CDH6: variants seen among roughly 807,000 people sequenced by gnomAD.
CDH6 encodes the protein cadherin 6.
A neutral mutation model predicts 78.0 loss-of-function variants in CDH6; 31 were observed. The ratio of observed to expected loss-of-function variants is 0.40; its 90% CI spans 0.30 to 0.54. The LOEUF (loss-of-function observed/expected upper bound fraction) is 0.54, where lower values mean the gene tolerates loss of function less well. Ranked by LOEUF, CDH6 falls within the 20% of genes least tolerant of loss-of-function variation. CDH6 has a pLI of 0.56. For missense variants in CDH6, 724 were observed against 975.9 expected, an observed-to-expected ratio of 0.74 and a Z score of 3.44; for synonymous variants, 376 against 368.8, an observed-to-expected ratio of 1.02 and a Z score of -0.23.
intron 2 of CDH6, among the ~76,000 whole-genome samples, chr5:31,289,415 G>C (rs1414161916): frequency 2.6e-5 from 4 of 152,122 alleles, no homozygotes; most frequent in African/African-American, 9.7e-5. Flanking sequence ...TGTTGTGAAT[G>C]GTGTTATGAT....
At chr5:31,229,533 GC>G (rs780851414) in intron 1 of CDH6, among the ~76,000 whole-genome samples, 9 of 152,196 alleles carry the variant, frequency 5.9e-5, no homozygotes, top group Non-Finnish European at 1.3e-4. Flanking sequence ...CAATTTGGAA[GC>G]TTTTATAGGT....
At chr5:31,210,242 C>T (rs941940116) in intron 1 of CDH6, among the ~76,000 whole-genome samples, 3 of 152,058 alleles carry the variant, frequency 2.0e-5, no homozygotes, top group Non-Finnish European at 4.4e-5. Flanking sequence ...GCTGGGGGTG[C>T]GGCGACTCAC....
chr5:31,195,896 G>A (rs1434242020), intron 1 of CDH6, among the ~76,000 whole-genome samples: 1 of 152,164 alleles, frequency 6.6e-6, no homozygotes, highest in Non-Finnish European at 1.5e-5. Context: ...AAACTAAGAG[G>A]CAGCAGCCCA....
At chr5:31,209,795 C>T (rs1263015339) in intron 1 of CDH6, among the ~76,000 whole-genome samples, 2 of 152,180 alleles carry the variant, frequency 1.3e-5, no homozygotes, top group Admixed American at 1.3e-4. Flanking sequence ...TTCTATCTCC[C>T]TCCTGCTATC....
rs561306531 is a variant in CDH6, at chr5:31,211,559, C to T, written c.-129+17673C>T. Among the ~76,000 whole-genome samples the T allele has an allele frequency of 3.3e-5, 5 of 152,006 alleles. 1 individual carries two copies. The highest frequency in any genetic ancestry group is 1.2e-4 in the African/African-American group (5 of 41,470). The stretch of plus-strand genomic sequence containing the variant: ...TGCAGATGTTTATCTAAATCCAAGT[C>T]AAAACAGTGTGAGAAATAATTATAA... On this transcript the variant is annotated intron_variant, in intron 1 of 11. Coordinates refer to ENST00000265071, the MANE Select transcript of CDH6 (RefSeq NM_004932.4).
intron 2 of CDH6, among the ~76,000 whole-genome samples, chr5:31,286,887 A>G: frequency 6.6e-6 from 1 of 152,174 alleles, no homozygotes; most frequent in Non-Finnish European, 1.5e-5. Flanking sequence ...GATATACATA[A>G]GAGGTAGAAT....
chr5:31,227,917 A>T (rs1476245314), intron 1 of CDH6, among the ~76,000 whole-genome samples: 1 of 152,178 alleles, frequency 6.6e-6, no homozygotes, highest in East Asian at 1.9e-4. Context: ...ACACATTACC[A>T]CAAAACAATA....
Position 31,273,172 on chromosome 5 carries a change from T to C in CDH6, c.228+5471T>C, listed in dbSNP as rs1028836747. ...AATTAGTAAACATGAAGCAATATTTTATCCGTTCTGAAAGGTTACTTAAAA... is the reference window on the plus strand; with the variant it reads ...AATTAGTAAACATGAAGCAATATTTCATCCGTTCTGAAAGGTTACTTAAAA... On this transcript the variant is annotated intron_variant, in intron 2 of 11. Transcript: ENST00000265071. Among the ~76,000 whole-genome samples, 6 of 152,374 alleles carry C rather than the reference T, an allele frequency of 3.9e-5. No individual in the cohort carries two copies. In the East Asian group the frequency reaches 9.6e-4, roughly 24 times the overall value.
chr5:31,210,586 G>A (rs893514289), intron 1 of CDH6, among the ~76,000 whole-genome samples: 90 of 152,280 alleles, frequency 5.9e-4, no homozygotes, highest in African/African-American at 1.6e-3. Context: ...AGTATCTGTA[G>A]AGAATTGGTT....
In CDH6 at chr5:31,316,271, C is replaced by A; in HGVS notation, c.1454C>A (p.Ala485Asp). 1 of 1,613,204 alleles carries A rather than the reference C, an allele frequency of 6.2e-7. No homozygotes were observed. Among genetic ancestry groups the A allele is most frequent in the Non-Finnish European group, 8.5e-7 (1 of 1,179,394 alleles). ...YIKVLDVNDN[A>D]PEFAEFYETF... ...AAAGTTCTAGATGTCAATGACAACG[C>A]CCCAGAATTTGCTGAGTTCTATGAA... Residue 485 changes from alanine to aspartate, a missense_variant, in exon 9 of 12, where the codon GCC becomes GAC. Physicochemically the swap from Ala to Asp is moderately radical, Grantham distance 126. Coordinates refer to ENST00000265071, the MANE Select transcript of CDH6 (RefSeq NM_004932.4).
chr5:31,229,297 T>C (rs1453680551), intron 1 of CDH6, among the ~76,000 whole-genome samples: 5 of 152,226 alleles, frequency 3.3e-5, no homozygotes. Context: ...ACAGACCTCT[T>C]GTTATCCAGT....
intron 1 of CDH6, among the ~76,000 whole-genome samples, chr5:31,206,347 A>T (rs1740522184): frequency 6.6e-6 from 1 of 152,182 alleles, no homozygotes; most frequent in South Asian, 2.1e-4. Context: ...TTAGAAAGGA[A>T]ATCCATTTTC....
At chr5:31,214,203 C>T (rs1034070417) in intron 1 of CDH6, among the ~76,000 whole-genome samples, 2 of 151,226 alleles carry the variant, frequency 1.3e-5, no homozygotes, top group Non-Finnish European at 2.9e-5. Flanking sequence ...GGCAAAGCTT[C>T]TGACTTCAGA....
intron 2 of CDH6, among the ~76,000 whole-genome samples, chr5:31,269,230 T>C (rs943393156): frequency 1.3e-5 from 2 of 148,442 alleles, no homozygotes; most frequent in Non-Finnish European, 3.0e-5. Context: ...TCTCCAATTG[T>C]GATGCCATTT....
At chr5:31,264,637 A>C (rs1742291829) in intron 1 of CDH6, among the ~76,000 whole-genome samples, 1 of 152,186 alleles carries the variant, frequency 6.6e-6, no homozygotes, top group Non-Finnish European at 1.5e-5. Context: ...TCACAGAGAA[A>C]TCTATCCCTC....
At chr5:31,279,518 C>T (rs928973017) in intron 2 of CDH6, among the ~76,000 whole-genome samples, 1 of 152,040 alleles carries the variant, frequency 6.6e-6, no homozygotes, top group African/African-American at 2.4e-5. Flanking sequence ...CTGCAGTGAG[C>T]AAGATCATGC....
At chr5:31,261,248 CTT>C (rs1742204324) in intron 1 of CDH6, among the ~76,000 whole-genome samples, 1 of 152,116 alleles carries the variant, frequency 6.6e-6, no homozygotes, top group South Asian at 2.1e-4. Flanking sequence ...GGGCAGGACT[CTT>C]GAGATTTCAG....
intron 8 of CDH6, among the ~76,000 whole-genome samples, chr5:31,315,035 C>T (rs1164531486): frequency 1.3e-5 from 2 of 152,102 alleles, no homozygotes; most frequent in Admixed American, 6.5e-5. Flanking sequence ...CACCTCGGGG[C>T]CTTTGCATAT....
At chr5:31,234,119 G>A (rs1377915898) in intron 1 of CDH6, among the ~76,000 whole-genome samples, 1 of 152,090 alleles carries the variant, frequency 6.6e-6, no homozygotes, top group Non-Finnish European at 1.5e-5. Context: ...AAATTTTAAA[G>A]TCTGAAAATA....
Sources: gnomAD v4.1 joint callset for allele counts (sites outside exome capture counted in the v4.1 genomes callset) on GRCh38, gnomAD v4.1.1 for gene constraint, MANE v1.5 for transcripts, NCBI Gene and HGNC (gene_info 2026-07-23, HGNC 2026-07-21) for gene names.